Variants in PKD1L1 observed in about 807,000 individuals in gnomAD.
The protein encoded by PKD1L1 is polycystin 1 like 1, transient receptor potential channel interacting.
A neutral mutation model predicts 323.4 loss-of-function variants in PKD1L1; 236 were observed. The observed-to-expected ratio is 0.73, with a 90% CI of 0.66 to 0.81. PKD1L1 has a LOEUF of 0.81. Ranked by LOEUF, PKD1L1 falls within the 40% of genes least tolerant of loss-of-function variation. PKD1L1 has a pLI of 0.00. For synonymous variants in PKD1L1, 1,344 were observed against 1,335.0 expected, an observed-to-expected ratio of 1.01 and a Z score of -0.15; for missense variants, 3,320 against 3,508.0, an observed-to-expected ratio of 0.95 and a Z score of 1.35.
chr7:47,834,999 A>G lies in PKD1L1; in HGVS notation c.6095T>C (p.Leu2032Pro), dbSNP rs1262324744. The G allele has an allele frequency of 3.7e-6, 6 of 1,613,780 alleles. No homozygotes were observed. The highest frequency in any genetic ancestry group is 1.3e-5 in the African/African-American group (1 of 74,904). The part of the protein sequence containing the change: ...GSARVEPHSP[L>P]RGGAQTEAPH... ...TGCCTCGGTCTGTGCTCCTCCTCTA[A>G]GTGGGCTGTGTGGCTCCACTCGGGC... is the stretch of plus-strand genomic sequence containing the variant. Residue 2032 changes from leucine (L) to proline (P), a missense_variant, in exon 39 of 57, where the codon CTT becomes CCT. Leu to Pro is a moderately conservative substitution (Grantham distance 98). Coordinates refer to ENST00000289672, the MANE Select transcript of PKD1L1 (RefSeq NM_138295.5).
In PKD1L1 at chr7:47,853,158, C is replaced by A. The variant is rs773607406; in HGVS notation, c.4929G>T (p.Val1643=). The change falls in exon 31 of 57, where the codon GTG becomes GTT. Residue 1643 remains valine, a synonymous_variant. Transcript: ENST00000289672. ...KQIYFWDESI[V]QIYIPAASQK... ...GAGAAGCAGCAGGTATATAAATCTGCACAATTGACTCATCCCAGAAGTAGA... is the reference window on the plus strand; with the variant it reads ...GAGAAGCAGCAGGTATATAAATCTGAACAATTGACTCATCCCAGAAGTAGA... 9.9e-6 allele frequency: 16 copies of A among 1,613,566 alleles called. No homozygotes were observed. The highest frequency in any genetic ancestry group is 1.3e-5 in the African/African-American group (1 of 74,898).
At position 47,908,202 on chromosome 7, in the gene PKD1L1, G is replaced by T. The variant is rs150627342; in HGVS notation, c.1277C>A (p.Thr426Asn). 2 of 1,614,210 alleles carry T rather than the reference G, an allele frequency of 1.2e-6. No individual in the cohort carries two copies. The highest frequency in any genetic ancestry group is 1.7e-6 in the Non-Finnish European group (2 of 1,180,030). ...ATAATAAGGCCCAAGCTCCACTTCG[G>T]TTCCATGAAACTCGTTATAAATAAC... is the stretch of plus-strand genomic sequence containing the variant. Reference protein sequence around the residue: ...KAVIYNEFHGTEVELGPYYVE... With the variant: ...KAVIYNEFHGNEVELGPYYVE... Residue 426 changes from threonine (T) to asparagine (N), a missense_variant, in exon 9 of 57, where the codon ACC (threonine) becomes AAC (asparagine). Transcript: ENST00000289672.
In PKD1L1 at chr7:47,915,571, C is replaced by T. The variant is rs753975702; in HGVS notation, c.1089G>A (p.Gln363=). 13 of 1,523,480 alleles carry T rather than the reference C, an allele frequency of 8.5e-6. No individual in the cohort carries two copies. The highest frequency in any genetic ancestry group is 1.2e-5 in the Non-Finnish European group (13 of 1,116,750). 94.4% of individuals were successfully genotyped at this position (1,523,480 alleles called of 1,614,324 possible). ...CTTCTTTGTAGGTGGACATATCCAACTGAAAATGTAAAAGATGAAAAAAAA... is the reference window on the plus strand; with the variant it reads ...CTTCTTTGTAGGTGGACATATCCAATTGAAAATGTAAAAGATGAAAAAAAA... The part of the protein sequence containing the change: ...KGIFFHLLHF[Q]LDMSTYKEAE... Residue 363 remains glutamine, a synonymous_variant, in exon 8 of 57, where the codon CAG becomes CAA. Coordinates refer to ENST00000289672, the MANE Select transcript of PKD1L1 (RefSeq NM_138295.5).
the PKD1L1 span, among the ~76,000 whole-genome samples, chr7:47,954,223 G>A: frequency 6.6e-6 from 1 of 152,282 alleles, no homozygotes; most frequent in South Asian, 2.1e-4. Context: ...GTGCTGCCGT[G>A]AACTGGCAGC....
intron 33 of PKD1L1, 151 bp from the exon 34 acceptor site, chr7:47,843,320 G>C: frequency 1.5e-6 from 1 of 656,210 alleles, no homozygotes; most frequent in Non-Finnish European, 2.6e-6. Flanking sequence ...GAGTTAGAAG[G>C]GCTTTGAAGG....
chr7:47,880,448 A>T (rs987593978), intron 21 of PKD1L1, among the ~76,000 whole-genome samples: 1 of 149,698 alleles, frequency 6.7e-6, no homozygotes, highest in South Asian at 2.1e-4. Context: ...TGCCCGGCAA[A>T]TTTTTTGTAT....
At chr7:47,950,719 AAAAG>A (rs1200240037), upstream of PKD1L1, among the ~76,000 whole-genome samples, 4 of 152,090 alleles carry the variant, frequency 2.6e-5, no homozygotes, top group Non-Finnish European at 4.4e-5. Context: ...CAAAAAAAAA[AAAAG>A]AATTAGCTTT....
intron 2 of PKD1L1, among the ~76,000 whole-genome samples, chr7:47,940,916 T>C (rs1787973652): frequency 1.3e-5 from 2 of 152,204 alleles, no homozygotes; most frequent in South Asian, 2.1e-4. Flanking sequence ...GCATCTGGAA[T>C]AGGATCTGCG....
intron 24 of PKD1L1, among the ~76,000 whole-genome samples, chr7:47,869,829 T>C (rs975673550): frequency 1.3e-5 from 2 of 152,168 alleles, no homozygotes; most frequent in African/African-American, 4.8e-5. Flanking sequence ...ATACACCATA[T>C]AGTAGGCCAC....
At chr7:47,856,773 C>A (rs1182857177) in intron 28 of PKD1L1, among the ~76,000 whole-genome samples, 1 of 152,114 alleles carries the variant, frequency 6.6e-6, no homozygotes, top group Non-Finnish European at 1.5e-5. Flanking sequence ...TTTCCATTTC[C>A]ATTTAAAAAA....
chr7:47,890,874 G>A, intron 15 of PKD1L1, 111 bp from the exon 16 acceptor site: 1 of 887,826 alleles, frequency 1.1e-6, no homozygotes, highest in South Asian at 1.6e-5. Flanking sequence ...GGGGACACGT[G>A]CTGGGAAGAG....
At chr7:47,810,347 C>T (rs1784868145) in intron 50 of PKD1L1, among the ~76,000 whole-genome samples, 1 of 152,202 alleles carries the variant, frequency 6.6e-6, no homozygotes, top group Admixed American at 6.5e-5. Flanking sequence ...CCTGCCATTG[C>T]TTACAATTTC....
intron 45 of PKD1L1, among the ~76,000 whole-genome samples, 198 bp from the exon 46 acceptor site, chr7:47,821,384 T>G (rs1451635951): frequency 6.6e-6 from 1 of 152,080 alleles, no homozygotes; most frequent in Non-Finnish European, 1.5e-5. Context: ...TTCTCCTGTC[T>G]CAGCCTCCCG....
At chr7:47,912,815 C>CAAAAAAAAAAAAA (rs59792729) in intron 8 of PKD1L1, among the ~76,000 whole-genome samples, 2 of 63,644 alleles carry the variant, frequency 3.1e-5, no homozygotes, top group Non-Finnish European at 5.6e-5. Flanking sequence ...GACTGTGTCT[C>CAAAAAAAAAAAAA]AAAAAAAAAA....
At chr7:47,916,366 T>A (rs1787428923) in intron 7 of PKD1L1, among the ~76,000 whole-genome samples, 1 of 152,190 alleles carries the variant, frequency 6.6e-6, no homozygotes. Context: ...GGTTCTAAGA[T>A]TTAGGTGCCT....
chr7:47,790,779 T>C (rs1278038136), intron 56 of PKD1L1, among the ~76,000 whole-genome samples: 1 of 13,892 alleles, frequency 7.2e-5, no homozygotes, highest in Non-Finnish European at 2.0e-4. Context: ...TGTTTTCTGT[T>C]TTTTTTTTTG....
At position 47,815,925 on chromosome 7, in the gene PKD1L1, G is replaced by A. The variant is rs538735757; in HGVS notation, c.6966-468C>T. Among the ~76,000 whole-genome samples the A allele has an allele frequency of 2.0e-5, 3 of 152,342 alleles. No individual in the cohort carries two copies. The South Asian group carries it at 6.2e-4, about 32-fold the overall frequency. On this transcript the variant is annotated intron_variant, in intron 46 of 56. Coordinates refer to ENST00000289672, the MANE Select transcript of PKD1L1 (RefSeq NM_138295.5). The stretch of plus-strand genomic sequence containing the variant: ...TGTTCAAGCAGCCATGGAAGCTTCA[G>A]TAGGTGGTGATGTCTAGCAAAGACC...
intron 31 of PKD1L1, among the ~76,000 whole-genome samples, chr7:47,850,915 A>C (rs1785768821): frequency 6.6e-6 from 1 of 152,190 alleles, no homozygotes; most frequent in Non-Finnish European, 1.5e-5. Flanking sequence ...ATACTGTAGG[A>C]TAGAGCAAAG....
At chr7:47,897,632 G>C (rs1562979073) in intron 14 of PKD1L1, among the ~76,000 whole-genome samples, 1 of 152,206 alleles carries the variant, frequency 6.6e-6, no homozygotes, top group Non-Finnish European at 1.5e-5. Context: ...CCTGCCCTCT[G>C]ACTGTCGTCT....
Sources: gnomAD v4.1 joint callset for allele counts (sites outside exome capture counted in the v4.1 genomes callset) on GRCh38, gnomAD v4.1.1 for gene constraint, MANE v1.5 for transcripts, NCBI Gene and HGNC (gene_info 2026-07-23, HGNC 2026-07-21) for gene names.